The following DPP6 variants were observed in gnomAD, a reference collection of about 807,000 sequenced individuals.
DPP6 encodes dipeptidyl peptidase like 6.
In DPP6, 69 loss-of-function variants were observed where a neutral mutation model predicts 122.6. That is an observed-to-expected ratio of 0.56 (90% confidence interval 0.46 to 0.69). The LOEUF (loss-of-function observed/expected upper bound fraction) is 0.69, where lower values mean the gene tolerates loss of function less well. Ranked by LOEUF, DPP6 falls within the 30% of genes least tolerant of loss-of-function variation. The pLI, the probability that DPP6 is intolerant of heterozygous loss-of-function variation, is 0.00. For missense variants in DPP6, 928 were observed against 1,116.9 expected, an observed-to-expected ratio of 0.83 and a Z score of 2.41; for synonymous variants, 418 against 433.1, an observed-to-expected ratio of 0.97 and a Z score of 0.43.
chr7:154,387,751 A>G (rs1814244172), intron 1 of DPP6, among the ~76,000 whole-genome samples: 1 of 152,062 alleles, frequency 6.6e-6, no homozygotes, highest in African/African-American at 2.4e-5. Flanking sequence ...GACATTCTGG[A>G]CTAATCCCAC....
At chr7:154,839,940 T>C (rs966848862) in intron 16 of DPP6, among the ~76,000 whole-genome samples, 2 of 150,078 alleles carry the variant, frequency 1.3e-5, no homozygotes, top group African/African-American at 4.9e-5. Flanking sequence ...GGCAGGAGAG[T>C]GGGGGACAGC....
intron 1 of DPP6, among the ~76,000 whole-genome samples, chr7:154,216,176 G>A (rs550736145): frequency 1.3e-5 from 2 of 152,356 alleles, no homozygotes; most frequent in African/African-American, 4.8e-5. Flanking sequence ...ATTGAGTGCT[G>A]AGCTAACTCA....
At position 154,889,265 on chromosome 7, in the gene DPP6, T is replaced by G; in HGVS notation, c.2305-7T>G. 1 of 1,612,320 alleles carries G rather than the reference T, an allele frequency of 6.2e-7. No homozygotes were observed. Among genetic ancestry groups the G allele is most frequent in the South Asian group, 1.1e-5 (1 of 90,340 alleles). On this transcript the variant is annotated splice_region_variant and splice_polypyrimidine_tract_variant and intron_variant, in intron 23 of 25. Transcript: ENST00000377770. ...CTAACTCTGTCCCCTTGCCCCCGCA[T>G]GTGCAGATGACCAAGGTAGCCCATC...
the DPP6 span, among the ~76,000 whole-genome samples, chr7:153,819,818 G>A: frequency 6.6e-6 from 1 of 152,078 alleles, no homozygotes; most frequent in Non-Finnish European, 1.5e-5. Context: ...TGAAATAAAT[G>A]TAGTTTGATC....
intron 5 of DPP6, among the ~76,000 whole-genome samples, chr7:154,579,034 C>G (rs1473733040): frequency 1.3e-5 from 2 of 152,122 alleles, no homozygotes; most frequent in Non-Finnish European, 2.9e-5. Context: ...TTCTGGCTGC[C>G]AGAGATAACC....
At chr7:154,605,833 A>G (rs1469112318) in intron 5 of DPP6, among the ~76,000 whole-genome samples, 1 of 119,432 alleles carries the variant, frequency 8.4e-6, no homozygotes, top group Non-Finnish European at 1.9e-5. Context: ...AATGGGTACA[A>G]ATTTTTCTCT....
At chr7:153,864,522 G>A in the DPP6 span, among the ~76,000 whole-genome samples, 1 of 152,064 alleles carries the variant, frequency 6.6e-6, no homozygotes, top group Non-Finnish European at 1.5e-5. Context: ...TGGGCATGGT[G>A]GTGGGCGCCT....
At chr7:154,031,091 T>C (rs575619932) in intron 1 of DPP6, among the ~76,000 whole-genome samples, 1 of 152,178 alleles carries the variant, frequency 6.6e-6, no homozygotes, top group East Asian at 1.9e-4. Context: ...CTGGCTATTA[T>C]CTCTTACTGA....
At chr7:154,357,234 C>A (rs1487338244) in intron 1 of DPP6, among the ~76,000 whole-genome samples, 2 of 149,732 alleles carry the variant, frequency 1.3e-5, no homozygotes, top group Non-Finnish European at 3.0e-5. Context: ...CATGGATATG[C>A]CTGTTTCATT....
chr7:153,873,043 G>A, the DPP6 span, among the ~76,000 whole-genome samples: 1 of 152,254 alleles, frequency 6.6e-6, no homozygotes, highest in South Asian at 2.1e-4. Context: ...GTAGCATGGA[G>A]CCAGCATCTG....
chr7:153,975,241 TA>T (rs200456692), intron 1 of DPP6, among the ~76,000 whole-genome samples: 998 of 14,672 alleles, frequency 0.068, 10 homozygotes, highest in Middle Eastern at 0.3. Context: ...ATTCTTAGTT[TA>T]AAAAAAAAAA....
At chr7:153,988,556 G>A (rs1297749415) in intron 1 of DPP6, among the ~76,000 whole-genome samples, 1 of 152,202 alleles carries the variant, frequency 6.6e-6, no homozygotes, top group Non-Finnish European at 1.5e-5. Context: ...GAGGGAGAGA[G>A]GGGCCAGGAA....
At chr7:154,300,116 A>C (rs1199378820) in intron 1 of DPP6, among the ~76,000 whole-genome samples, 2 of 152,212 alleles carry the variant, frequency 1.3e-5, no homozygotes, top group East Asian at 3.9e-4. Context: ...ATTGGGCAAA[A>C]GTGCCCGTGG....
At chr7:154,768,968 G>C (rs974726042) in intron 8 of DPP6, among the ~76,000 whole-genome samples, 1 of 152,174 alleles carries the variant, frequency 6.6e-6, no homozygotes, top group African/African-American at 2.4e-5. Flanking sequence ...CTCAGCCTCT[G>C]CCAGAGTTCA....
At chr7:154,064,369 C>A (rs1280770062) in intron 1 of DPP6, among the ~76,000 whole-genome samples, 1 of 152,162 alleles carries the variant, frequency 6.6e-6, no homozygotes, top group East Asian at 1.9e-4. Context: ...TGGAATCCAC[C>A]CCATGCCTTC....
the DPP6 span, among the ~76,000 whole-genome samples, chr7:153,857,783 T>C: frequency 6.6e-6 from 1 of 152,224 alleles, no homozygotes; most frequent in African/African-American, 2.4e-5. Flanking sequence ...GTTTTCCTGA[T>C]AGAATTTAGA....
rs183855762 is a variant in DPP6 at position 154,141,960 on chromosome 7, G to T, written c.243+88897G>T. On this transcript the variant is annotated intron_variant, in intron 1 of 25. Coordinates refer to ENST00000377770, the MANE Select transcript of DPP6 (RefSeq NM_130797.4). ...AGTTAATGCTAGTTCCTTGCTTGCAGCAGGACCAATCAAAAGGAGCTAAAC... is the reference window on the plus strand; with the variant it reads ...AGTTAATGCTAGTTCCTTGCTTGCATCAGGACCAATCAAAAGGAGCTAAAC... Among the ~76,000 whole-genome samples, 1,132 of 152,242 alleles carry T rather than the reference G, an allele frequency of 7.4e-3. 6 individuals carry two copies. Among genetic ancestry groups the T allele is most frequent in the South Asian group, 0.02 (97 of 4,810 alleles).
intron 1 of DPP6, among the ~76,000 whole-genome samples, chr7:154,085,334 G>A (rs1280102049): frequency 6.6e-6 from 1 of 152,042 alleles, no homozygotes; most frequent in African/African-American, 2.4e-5. Flanking sequence ...TACCTCATCT[G>A]AACTGAAAAC....
intron 5 of DPP6, among the ~76,000 whole-genome samples, chr7:154,630,053 C>A (rs1835313430): frequency 6.6e-6 from 1 of 152,162 alleles, no homozygotes; most frequent in Non-Finnish European, 1.5e-5. Flanking sequence ...CAACCCTTAG[C>A]CCTGTATTAC....
Sources: allele counts gnomAD v4.1 joint callset (sites outside exome capture counted in the v4.1 genomes callset), GRCh38; gene constraint gnomAD v4.1.1; transcripts MANE v1.5; gene names NCBI Gene and HGNC (gene_info 2026-07-23, HGNC 2026-07-21).